The following C8B variants were observed in gnomAD, a reference collection of about 807,000 sequenced individuals.
The protein encoded by C8B is complement component C8 beta chain.
C8B carries 67 observed loss-of-function variants against 64.6 expected under a neutral mutation model. That is an observed-to-expected ratio of 1.04 (90% CI 0.85 to 1.27). C8B has a LOEUF of 1.27. C8B is among the 50% of genes most tolerant of loss of function. The pLI is 0.00. For missense variants in C8B, 790 were observed against 725.2 expected, an observed-to-expected ratio of 1.09 and a Z score of -1.03; for synonymous variants, 284 against 257.7, an observed-to-expected ratio of 1.10 and a Z score of -0.98.
At chr1:56,959,485 G>T in intron 2 of C8B, 1 of 1,166,576 alleles carries the variant, frequency 8.6e-7, no homozygotes, top group South Asian at 1.3e-5. Flanking sequence ...TTCAAATTGT[G>T]AGTAGGTGTT....
intron 4 of C8B, among the ~76,000 whole-genome samples, chr1:56,953,384 G>C (rs534595345): frequency 6.6e-6 from 1 of 152,072 alleles, no homozygotes; most frequent in African/African-American, 2.4e-5. Context: ...CTTTGTGGAG[G>C]CATCATCCTA....
intron 2 of C8B, among the ~76,000 whole-genome samples, chr1:56,959,053 T>A (rs982881455): frequency 1.3e-5 from 2 of 152,228 alleles, no homozygotes; most frequent in Non-Finnish European, 2.9e-5. Context: ...AAGAACCCTA[T>A]ACAAGGAATA....
rs753625747 is a variant in C8B, at chr1:56,945,936, G to A, written c.990C>T (p.Tyr330=). ...RVKRLPLEYS[Y]GEYRDLFRDF... is the part of the protein sequence containing the mutation. ...CACGGAAGAGATCTCTGTATTCCCC[G>A]TAGCTGTACTCCAGGGGCAGCCGCT... Residue 330 remains tyrosine, a synonymous_variant, in exon 7 of 12, where the codon TAC becomes TAT. Transcript: ENST00000371237. The A allele has an allele frequency of 3.0e-5, 48 of 1,613,980 alleles. No individual in the cohort carries two copies. The highest frequency in any genetic ancestry group is 1.6e-4 in the Middle Eastern group (1 of 6,084).
chr1:56,965,398 A>AGTGTGTGT (rs56761445), intron 1 of C8B, among the ~76,000 whole-genome samples: 49,704 of 142,294 alleles, frequency 0.35, 9,699 homozygotes, highest in South Asian at 0.48. Context: ...AGAGAGAGAG[A>AGTGTGTGT]GTGTGTGTGT....
intron 9 of C8B, among the ~76,000 whole-genome samples, chr1:56,938,916 G>A (rs1195952135): frequency 6.6e-6 from 1 of 151,608 alleles, no homozygotes; most frequent in Non-Finnish European, 1.5e-5. Context: ...TGTGAGAGTG[G>A]GATGCCCAGA....
At chr1:56,958,707 G>A (rs1014968560) in intron 2 of C8B, among the ~76,000 whole-genome samples, 7 of 152,182 alleles carry the variant, frequency 4.6e-5, no homozygotes, top group Admixed American at 1.3e-4. Flanking sequence ...GACTCATGCT[G>A]AGTCTTCCTA....
chr1:56,956,415 CCAACATTTCTGACTCCAGCACACATA>C (rs1645104308), intron 3 of C8B, among the ~76,000 whole-genome samples: 1 of 152,124 alleles, frequency 6.6e-6, no homozygotes, highest in Non-Finnish European at 1.5e-5. Flanking sequence ...AAGGCCTGAC[CCAACATTTCTGACTCCAGCACACATA>C]CTTTTTGTGT....
intron 2 of C8B, chr1:56,959,675 A>G (rs1645149381): frequency 6.8e-7 from 1 of 1,479,632 alleles, no homozygotes. Context: ...TCATGGGTAG[A>G]CTGTGAATGG....
rs750536393 is a variant in C8B at position 56,940,872 on chromosome 1, T to A, written c.1375A>T (p.Asn459Tyr). The A allele has an allele frequency of 2.5e-6, 4 of 1,613,972 alleles. No homozygotes were observed. In the East Asian group the frequency reaches 8.9e-5, roughly 36 times the overall value. The change falls in exon 9 of 12, where the codon AAC becomes TAC. Residue 459 changes from asparagine to tyrosine, a missense_variant. Coordinates refer to ENST00000371237, the MANE Select transcript of C8B (RefSeq NM_000066.4). ...ACCTTAACTTTGATGATGGCTGGGT[T>A]GTACTGCACAGCGTCTCCCCACTCC... ...MQEWGDAVQYNPAIIKVKVEP... is the reference protein window; with the variant it reads ...MQEWGDAVQYYPAIIKVKVEP...
intron 1 of C8B, among the ~76,000 whole-genome samples, chr1:56,960,512 T>C (rs2101465430): frequency 6.6e-6 from 1 of 152,340 alleles, no homozygotes; most frequent in South Asian, 2.1e-4. Context: ...CTATGGGACT[T>C]TATCCAGAGG....
rs1645034204 is a variant in C8B, at chr1:56,952,269, C to T, written c.534-89G>A. 6 of 1,563,816 alleles carry T rather than the reference C, an allele frequency of 3.8e-6. No individual in the cohort carries two copies. In the East Asian group the frequency reaches 1.3e-4, roughly 35 times the overall value. On this transcript the variant is annotated intron_variant, in intron 4 of 11. Coordinates refer to ENST00000371237, the MANE Select transcript of C8B (RefSeq NM_000066.4). ...AGACCCTACTGAACGAAAACAAAAA[C>T]TCCTTGGCACAGCCTTCAAGGCCCT...
Position 56,949,719 on chromosome 1 carries a change from A to T in C8B, c.700T>A (p.Tyr234Asn). 1 of 1,613,682 alleles carries T rather than the reference A, an allele frequency of 6.2e-7. No homozygotes were observed. Among genetic ancestry groups the T allele is most frequent in the Non-Finnish European group, 8.5e-7 (1 of 1,179,834 alleles). ...QGKYEFILKE[Y>N]ESYSDFERNV... ...CGTTCAAAATCTGAGTATGATTCATACTCTTTTAATATGAATTCGTATTTG... is the reference window on the plus strand; with the variant it reads ...CGTTCAAAATCTGAGTATGATTCATTCTCTTTTAATATGAATTCGTATTTG... Residue 234 changes from tyrosine to asparagine, a missense_variant, in exon 6 of 12, where the codon TAT becomes AAT. Physicochemically the swap from Tyr to Asn is moderately radical, Grantham distance 143. Transcript: ENST00000371237.
At chr1:56,950,024 G>A (rs545744422) in intron 5 of C8B, among the ~76,000 whole-genome samples, 1 of 152,258 alleles carries the variant, frequency 6.6e-6, no homozygotes, top group African/African-American at 2.4e-5. Flanking sequence ...TCTGGGCTGT[G>A]GGCTCAGCTT....
chr1:56,939,478 C>T (rs1252186614), intron 9 of C8B, among the ~76,000 whole-genome samples: 2 of 152,184 alleles, frequency 1.3e-5, no homozygotes, highest in Admixed American at 6.5e-5. Flanking sequence ...GCACCAGTCC[C>T]TCAACCCTCC....
chr1:56,931,423 G>A (rs1411918512), intron 11 of C8B, among the ~76,000 whole-genome samples: 2 of 152,156 alleles, frequency 1.3e-5, no homozygotes, highest in Non-Finnish European at 2.9e-5. Context: ...GGAGCCAGCA[G>A]GAGGAATTAG....
chr1:56,933,761 A>T (rs1474542681), intron 9 of C8B, among the ~76,000 whole-genome samples: 3 of 152,202 alleles, frequency 2.0e-5, no homozygotes, highest in Non-Finnish European at 4.4e-5. Flanking sequence ...CCCTACTCTC[A>T]AGGAACTCAG....
At position 56,942,307 on chromosome 1, in the gene C8B, A is replaced by G. The variant is rs376377662; in HGVS notation, c.1235-1295T>C. ...ACTTACTAAACAGTGGCCACTATAA[A>G]GCAATTATTATTTTGACTTACGGAG... On this transcript the variant is annotated intron_variant, in intron 8 of 11. Coordinates refer to ENST00000371237, the MANE Select transcript of C8B (RefSeq NM_000066.4). Among the ~76,000 whole-genome samples, 137 of 152,328 alleles carry G rather than the reference A, an allele frequency of 9.0e-4. 1 individual carries two copies. The highest frequency in any genetic ancestry group is 7.5e-3 in the South Asian group (36 of 4,830).
At chr1:56,946,257 T>C (rs1038771214) in intron 6 of C8B, among the ~76,000 whole-genome samples, 196 bp from the exon 7 acceptor site, 2 of 152,130 alleles carry the variant, frequency 1.3e-5, no homozygotes, top group Non-Finnish European at 2.9e-5. Flanking sequence ...CCTGTTCAGC[T>C]TGGAAGAGCT....
At chr1:56,948,439 A>C (rs1172365337) in intron 6 of C8B, among the ~76,000 whole-genome samples, 2 of 152,188 alleles carry the variant, frequency 1.3e-5, no homozygotes, top group Non-Finnish European at 2.9e-5. Flanking sequence ...GTAGAGGGGA[A>C]TATGCCATTA....
Sources: gnomAD v4.1 joint callset for allele counts (sites outside exome capture counted in the v4.1 genomes callset) on GRCh38, gnomAD v4.1.1 for gene constraint, MANE v1.5 for transcripts, NCBI Gene and HGNC (gene_info 2026-07-23, HGNC 2026-07-21) for gene names.